Variants in STAG1 observed in about 807,000 individuals in gnomAD.
The protein encoded by STAG1 is cohesin subunit SA-1.
In STAG1, 26 loss-of-function variants were observed where a neutral mutation model predicts 170.9. The observed-to-expected ratio is 0.15, with a 90% CI of 0.11 to 0.21. The LOEUF (loss-of-function observed/expected upper bound fraction) is 0.21, where lower values mean the gene tolerates loss of function less well. Ranked by LOEUF, STAG1 falls within the 10% of genes least tolerant of loss-of-function variation. STAG1 has a pLI of 1.00. For missense variants in STAG1, 964 were observed against 1,509.5 expected, an observed-to-expected ratio of 0.64 and a Z score of 5.99; for synonymous variants, 514 against 497.7, an observed-to-expected ratio of 1.03 and a Z score of -0.44.
At position 136,548,549 on chromosome 3, in the gene STAG1, C is replaced by G. The variant is rs556183194; in HGVS notation, c.395-6354G>C. On this transcript the variant is annotated intron_variant, in intron 5 of 33. Coordinates refer to ENST00000383202, the MANE Select transcript of STAG1 (RefSeq NM_005862.3). ...ATTCCATATGAAGTTCAGAATTTTT[C>G]TATTTCTGCAAAAAATCCCATTGGA... Among the ~76,000 whole-genome samples the G allele has an allele frequency of 5.9e-5, 9 of 152,246 alleles. No homozygotes were observed. The South Asian group carries it at 1.9e-3, about 32-fold the overall frequency.
rs567771121 is a variant in STAG1 at position 136,524,124 on chromosome 3, A to C, written c.472-2707T>G. Among the ~76,000 whole-genome samples the C allele has an allele frequency of 6.4e-3, 974 of 152,092 alleles. 12 individuals carry two copies. The highest frequency in any genetic ancestry group is 0.022 in the African/African-American group (929 of 41,422). ...AACTTTAAAGTAGTTTTTTCCACTT[A>C]TCTGAAGAAAGTCATTGGTAGCTTG... is the stretch of plus-strand genomic sequence containing the variant. On this transcript the variant is annotated intron_variant, in intron 6 of 33. Transcript: ENST00000383202.
At chr3:136,720,197 C>G (rs1015327953) in intron 1 of STAG1, among the ~76,000 whole-genome samples, 1 of 148,840 alleles carries the variant, frequency 6.7e-6, no homozygotes, top group Non-Finnish European at 1.5e-5. Context: ...AAAAAAAAAT[C>G]TTAAGTGAAC....
intron 6 of STAG1, among the ~76,000 whole-genome samples, chr3:136,534,928 CAA>C (rs1935548846): frequency 1.3e-5 from 2 of 152,134 alleles, no homozygotes; most frequent in Non-Finnish European, 2.9e-5. Context: ...ATCAGTATAT[CAA>C]AGGGATACCC....
intron 1 of STAG1, among the ~76,000 whole-genome samples, chr3:136,689,490 G>A (rs190628024): frequency 1.6e-4 from 24 of 152,294 alleles, no homozygotes; most frequent in Non-Finnish European, 3.2e-4. Context: ...GTTAACAGTG[G>A]ATATTTTATT....
At chr3:136,640,635 C>G (rs1419636186) in intron 1 of STAG1, among the ~76,000 whole-genome samples, 1 of 149,690 alleles carries the variant, frequency 6.7e-6, no homozygotes, top group Non-Finnish European at 1.5e-5. Context: ...TCCCAAAGTA[C>G]TGGGATTACA....
intron 26 of STAG1, among the ~76,000 whole-genome samples, chr3:136,362,544 G>T (rs1177583611): frequency 2.8e-5 from 4 of 142,112 alleles, no homozygotes; most frequent in African/African-American, 7.9e-5. Flanking sequence ...GAGGTAGGTG[G>T]ATCACTTGAG....
intron 1 of STAG1, among the ~76,000 whole-genome samples, chr3:136,696,892 G>A (rs774202451): frequency 1.3e-5 from 2 of 152,136 alleles, no homozygotes; most frequent in Non-Finnish European, 2.9e-5. Flanking sequence ...TGATCAAAAA[G>A]GGTATGAGGG....
chr3:136,359,305 A>T lies in STAG1; in HGVS notation c.2788-9T>A. 2 of 1,545,698 alleles carry T rather than the reference A, an allele frequency of 1.3e-6. No homozygotes were observed. The highest frequency in any genetic ancestry group is 1.7e-6 in the Non-Finnish European group (2 of 1,145,466). ...ACAAGTTCATTAAATAACTGATAGA[A>T]AGAAAAAAAGAAGAAAAAACCTATA... On this transcript the variant is annotated splice_polypyrimidine_tract_variant and intron_variant, in intron 26 of 33. Transcript: ENST00000383202.
At chr3:136,716,034 A>G (rs112539835) in intron 1 of STAG1, among the ~76,000 whole-genome samples, 176 of 152,248 alleles carry the variant, frequency 1.2e-3, no homozygotes, top group African/African-American at 2.5e-3. Flanking sequence ...GGAGGTGGAG[A>G]TTGCAATGAG....
intron 21 of STAG1, among the ~76,000 whole-genome samples, chr3:136,404,707 C>T (rs966932551): frequency 2.0e-5 from 3 of 152,102 alleles, no homozygotes; most frequent in African/African-American, 4.8e-5. Flanking sequence ...AATCATTCAG[C>T]TTGTGGCTAA....
At chr3:136,517,831 A>C (rs1330749912) in intron 7 of STAG1, among the ~76,000 whole-genome samples, 15 of 152,082 alleles carry the variant, frequency 9.9e-5, no homozygotes, top group Admixed American at 9.8e-4. Flanking sequence ...TAGTTAATGA[A>C]AACTACAATG....
intron 4 of STAG1, among the ~76,000 whole-genome samples, chr3:136,580,102 G>C (rs960293445): frequency 6.6e-6 from 1 of 151,064 alleles, no homozygotes; most frequent in Non-Finnish European, 1.5e-5. Context: ...CAAGTAGCTG[G>C]GACTACAGGC....
chr3:136,545,086 T>C (rs1198233452), intron 5 of STAG1, among the ~76,000 whole-genome samples: 1 of 152,144 alleles, frequency 6.6e-6, no homozygotes, highest in Admixed American at 6.5e-5. Flanking sequence ...TCTTGCTCTG[T>C]TGTCCAAGAT....
intron 1 of STAG1, among the ~76,000 whole-genome samples, chr3:136,665,034 G>C (rs896222251): frequency 1.3e-5 from 2 of 152,206 alleles, no homozygotes; most frequent in Non-Finnish European, 2.9e-5. Context: ...GAAATTGCTT[G>C]GGACTTGCGA....
At position 136,568,826 on chromosome 3, in the gene STAG1, T is replaced by G. The variant is rs1937168336; in HGVS notation, c.333A>C (p.Gln111His). Residue 111 changes from glutamine to histidine, a missense_variant, in exon 5 of 34, where the codon CAA becomes CAC. By Grantham distance (24) the Gln-to-His change is conservative (BLOSUM62 0). Coordinates refer to ENST00000383202, the MANE Select transcript of STAG1 (RefSeq NM_005862.3). ...VVDDWIESYK[Q>H]DRDIALLDLI... The stretch of plus-strand genomic sequence containing the variant: ...AATCCAGAAGTGCGATGTCCCTGTC[T>G]TGTTTATATGATTCAATCCAGTCAT... The G allele has an allele frequency of 6.2e-7, 1 of 1,612,500 alleles. No homozygotes were observed. The highest frequency in any genetic ancestry group is 1.1e-5 in the South Asian group (1 of 91,006).
chr3:136,374,591 T>C, intron 23 of STAG1, among the ~76,000 whole-genome samples: 1 of 151,484 alleles, frequency 6.6e-6, no homozygotes, highest in East Asian at 1.9e-4. Flanking sequence ...CACTCCAGCC[T>C]GGGCAACAAG....
chr3:136,719,469 T>C lies in STAG1; in HGVS notation c.-84+32726A>G, dbSNP rs1043778496. Among the ~76,000 whole-genome samples the C allele has an allele frequency of 2.6e-5, 4 of 152,074 alleles. No homozygotes were observed. The East Asian group carries it at 7.7e-4, about 29-fold the overall frequency. ...TCCAAATTAACTAAACATCACTGAATTGTACACTTAAAATGGGAGAATTTT... is the reference window on the plus strand; with the variant it reads ...TCCAAATTAACTAAACATCACTGAACTGTACACTTAAAATGGGAGAATTTT... On this transcript the variant is annotated intron_variant, in intron 1 of 33. Coordinates refer to ENST00000383202, the MANE Select transcript of STAG1 (RefSeq NM_005862.3).
intron 9 of STAG1, among the ~76,000 whole-genome samples, chr3:136,497,438 T>G (rs1166635583): frequency 6.6e-6 from 1 of 152,148 alleles, no homozygotes; most frequent in African/African-American, 2.4e-5. Context: ...ATTCACCACA[T>G]TAAGTCTTTA....
At chr3:136,525,544 C>G (rs1047634050) in intron 6 of STAG1, among the ~76,000 whole-genome samples, 10 of 152,034 alleles carry the variant, frequency 6.6e-5, no homozygotes, top group South Asian at 2.1e-4. Context: ...TTCAAAAAAC[C>G]AGCTCCTAGA....
Sources: gnomAD v4.1 joint callset for allele counts (sites outside exome capture counted in the v4.1 genomes callset) on GRCh38, gnomAD v4.1.1 for gene constraint, MANE v1.5 for transcripts, NCBI Gene and HGNC (gene_info 2026-07-23, HGNC 2026-07-21) for gene names.